The following MBD5 variants were observed in gnomAD, a reference collection of about 807,000 sequenced individuals.
The protein encoded by MBD5 is methyl-CpG-binding domain protein 5.
In MBD5, 13 loss-of-function variants were observed where a neutral mutation model predicts 117.3. The ratio of observed to expected loss-of-function variants is 0.11; its 90% CI spans 0.07 to 0.18. The LOEUF (loss-of-function observed/expected upper bound fraction) is 0.18, where lower values mean the gene tolerates loss of function less well. Ranked by LOEUF, MBD5 falls within the 10% of genes least tolerant of loss-of-function variation. The probability of loss-of-function intolerance (pLI) is 1.00; values close to 1 mark genes in which losing one functional copy is unlikely to be tolerated. For missense variants in MBD5, 1,879 were observed against 2,093.8 expected (o/e 0.90, Z 2.00); for synonymous variants, 727 against 766.4 (o/e 0.95, Z 0.85).
At chr2:148,187,897 A>G (rs1323298583) in intron 2 of MBD5, among the ~76,000 whole-genome samples, 1 of 152,244 alleles carries the variant, frequency 6.6e-6, no homozygotes, top group East Asian at 1.9e-4. Flanking sequence ...TGTTGTTTAT[A>G]TATTTAAAAA....
chr2:148,197,132 C>T (rs978011160), intron 2 of MBD5, among the ~76,000 whole-genome samples: 7 of 152,126 alleles, frequency 4.6e-5, no homozygotes, highest in Non-Finnish European at 1.0e-4. Context: ...CTCTAGGTAG[C>T]TTCAAAGGCT....
chr2:148,280,356 GT>G (rs1297477548), intron 3 of MBD5, among the ~76,000 whole-genome samples: 1 of 152,128 alleles, frequency 6.6e-6, no homozygotes. Context: ...AGGGACAGTA[GT>G]TTGATTTCCA....
chr2:148,403,071 GAC>G (rs1279001176), intron 4 of MBD5, among the ~76,000 whole-genome samples: 1 of 151,804 alleles, frequency 6.6e-6, no homozygotes, highest in African/African-American at 2.4e-5. Flanking sequence ...TTTTATCTCA[GAC>G]ACAGTTTTTA....
intron 4 of MBD5, among the ~76,000 whole-genome samples, chr2:148,418,343 G>A (rs1705489077): frequency 6.6e-6 from 1 of 151,598 alleles, no homozygotes; most frequent in Non-Finnish European, 1.5e-5. Context: ...TTGCTTTTGG[G>A]GTTTTCATCA....
rs188447381 is a variant in MBD5 at position 148,067,400 on chromosome 2, C to T, written c.-925+45716C>T. ...ATCGTTAGACATAGAGCAAGCTAAA[C>T]AAAACTTTAAGATTTTAGTAAACAT... On this transcript the variant is annotated intron_variant, in intron 1 of 13. Transcript: ENST00000642680. 2.2e-4 allele frequency among the ~76,000 whole-genome samples: 33 copies of T among 152,218 alleles called. No homozygotes were observed. In the East Asian group the frequency reaches 4.2e-3, roughly 20 times the overall value.
intron 4 of MBD5, among the ~76,000 whole-genome samples, chr2:148,354,813 G>T (rs139420362): frequency 3.3e-5 from 5 of 152,284 alleles, no homozygotes; most frequent in Middle Eastern, 3.4e-3. Context: ...CATTCTAACT[G>T]GTGTGAGATG....
chr2:148,345,618 CGT>C (rs1559033470), intron 4 of MBD5, among the ~76,000 whole-genome samples: 3,402 of 83,906 alleles, frequency 0.041, 174 homozygotes, highest in African/African-American at 0.094. Context: ...TGTATATACA[CGT>C]ATACACATAC....
intron 1 of MBD5, among the ~76,000 whole-genome samples, chr2:148,046,368 A>G (rs1183904079): frequency 2.6e-5 from 4 of 152,200 alleles, no homozygotes; most frequent in Non-Finnish European, 5.9e-5. Context: ...TGAGAAATCT[A>G]CTTAAACACA....
At chr2:148,314,376 GTTT>G (rs67471940) in intron 3 of MBD5, among the ~76,000 whole-genome samples, 5 of 106,612 alleles carry the variant, frequency 4.7e-5, no homozygotes, top group Admixed American at 1.1e-4. Context: ...CAGTGTTATG[GTTT>G]TTTTTTTTTT....
Position 148,514,207 on chromosome 2 carries a change from T to A in MBD5, c.*1266T>A, listed in dbSNP as rs1301057526. 1 of 152,124 alleles carries A rather than the reference T, an allele frequency of 6.6e-6. No homozygotes were observed. The highest frequency in any genetic ancestry group is 1.5e-5 in the Non-Finnish European group (1 of 68,014). 9.4% of individuals were successfully genotyped at this position (152,124 alleles called of 1,614,324 possible). The stretch of plus-strand genomic sequence containing the variant: ...GCAAAAATGTGCAGGTTAAATCTAT[T>A]AACCAAATTATTTATATTATATTAA... On this transcript the variant is annotated 3_prime_UTR_variant, in exon 14 of 14. Transcript: ENST00000642680.
chr2:148,268,586 A>G (rs1301949462), intron 3 of MBD5, among the ~76,000 whole-genome samples: 1 of 151,558 alleles, frequency 6.6e-6, no homozygotes, highest in African/African-American at 2.4e-5. Flanking sequence ...ATTTATATAT[A>G]ATATCATGTT....
At chr2:148,202,729 T>G (rs1699174599) in intron 2 of MBD5, among the ~76,000 whole-genome samples, 1 of 152,110 alleles carries the variant, frequency 6.6e-6, no homozygotes, top group African/African-American at 2.4e-5. Context: ...CTTTTTTGTT[T>G]AAAAAGCAGT....
intron 2 of MBD5, among the ~76,000 whole-genome samples, chr2:148,186,920 T>G (rs1414378755): frequency 2.0e-5 from 3 of 152,140 alleles, no homozygotes; most frequent in Non-Finnish European, 2.9e-5. Context: ...AGTAAAACAT[T>G]AAAACAATGA....
At chr2:148,391,420 A>G (rs933745173) in intron 4 of MBD5, among the ~76,000 whole-genome samples, 5 of 152,228 alleles carry the variant, frequency 3.3e-5, no homozygotes, top group Admixed American at 3.3e-4. Flanking sequence ...CAATGACTTA[A>G]TATTTCTCTG....
chr2:148,290,681 G>A (rs1034813313), intron 3 of MBD5, among the ~76,000 whole-genome samples: 19 of 151,956 alleles, frequency 1.3e-4, no homozygotes, highest in South Asian at 2.1e-4. Flanking sequence ...ATATTGTAGC[G>A]TGTATCAGTA....
At chr2:148,325,017 C>A (rs904611760) in intron 3 of MBD5, among the ~76,000 whole-genome samples, 5 of 152,130 alleles carry the variant, frequency 3.3e-5, no homozygotes, top group Admixed American at 2.0e-4. Flanking sequence ...CCATCAATAT[C>A]TAATTTGTTG....
chr2:148,169,720 A>G lies in MBD5; in HGVS notation c.-924-8980A>G, dbSNP rs571195253. Among the ~76,000 whole-genome samples, 28 of 152,288 alleles carry G rather than the reference A, an allele frequency of 1.8e-4. 1 individual carries two copies. In the South Asian group the frequency reaches 5.6e-3, roughly 30 times the overall value. On this transcript the variant is annotated intron_variant, in intron 1 of 13. Transcript: ENST00000642680. ...AATAGCCTGGTTATTACGAACTTTC[A>G]CAGAGATCTTTAGATTCTTTGTACT...
At chr2:148,461,781 A>G (rs776939088) in intron 5 of MBD5, among the ~76,000 whole-genome samples, 3 of 152,250 alleles carry the variant, frequency 2.0e-5, no homozygotes, top group Non-Finnish European at 4.4e-5. Flanking sequence ...TGTCATCTGA[A>G]TTACTACTTA....
intron 4 of MBD5, among the ~76,000 whole-genome samples, chr2:148,432,562 TC>T (rs1706022857): frequency 6.6e-6 from 1 of 152,142 alleles, no homozygotes; most frequent in African/African-American, 2.4e-5. Flanking sequence ...AAGGTAGGGG[TC>T]CAGTTTCAAT....
Sources: gnomAD v4.1 joint callset for allele counts (sites outside exome capture counted in the v4.1 genomes callset) on GRCh38, gnomAD v4.1.1 for gene constraint, MANE v1.5 for transcripts, NCBI Gene and HGNC (gene_info 2026-07-23, HGNC 2026-07-21) for gene names.